Variants in NME7 observed in about 807,000 individuals in gnomAD.
NME7 encodes nucleoside diphosphate kinase 7.
In NME7, 41 loss-of-function variants were observed where a neutral mutation model predicts 49.1. The ratio of observed to expected loss-of-function variants is 0.83; its 90% confidence interval spans 0.65 to 1.08. NME7 has a LOEUF of 1.08. NME7 is among the 50% of genes least tolerant of loss of function. The pLI is 0.00. For missense variants in NME7, 423 were observed against 463.4 expected, an observed-to-expected ratio of 0.91 and a Z score of 0.80; for synonymous variants, 139 against 150.6, an observed-to-expected ratio of 0.92 and a Z score of 0.56.
At chr1:169,225,728 G>A (rs1647303838) in intron 10 of NME7, among the ~76,000 whole-genome samples, 1 of 151,842 alleles carries the variant, frequency 6.6e-6, no homozygotes, top group South Asian at 2.1e-4. Flanking sequence ...TCTCCTCTTT[G>A]GACACCACTT....
chr1:169,304,957 A>G (rs1036665326), intron 4 of NME7, among the ~76,000 whole-genome samples: 6 of 152,240 alleles, frequency 3.9e-5, no homozygotes, highest in Non-Finnish European at 7.3e-5. Context: ...GCAGAAGAAT[A>G]CTAAAACAAC....
intron 11 of NME7, among the ~76,000 whole-genome samples, chr1:169,162,952 T>C (rs567400110): frequency 2.9e-4 from 44 of 152,316 alleles, no homozygotes; most frequent in African/African-American, 1.1e-3. Context: ...TTCAGCAACA[T>C]TGAGGTTCTC....
At chr1:169,366,867 G>C (rs967696297) in intron 1 of NME7, among the ~76,000 whole-genome samples, 1 of 151,390 alleles carries the variant, frequency 6.6e-6, no homozygotes, top group African/African-American at 2.4e-5. Flanking sequence ...GAAGAAACAA[G>C]GGGTGGTGGG....
intron 6 of NME7, among the ~76,000 whole-genome samples, chr1:169,293,476 T>A (rs1362248480): frequency 6.6e-6 from 1 of 152,168 alleles, no homozygotes; most frequent in Admixed American, 6.5e-5. Context: ...GTCCACTGAT[T>A]TATAATGGCA....
At chr1:169,313,279 A>G (rs1011307211) in intron 3 of NME7, among the ~76,000 whole-genome samples, 3 of 151,958 alleles carry the variant, frequency 2.0e-5, no homozygotes, top group East Asian at 1.9e-4. Context: ...AGCATTGCCT[A>G]TCTGGAAAAT....
intron 7 of NME7, among the ~76,000 whole-genome samples, chr1:169,238,339 G>T (rs1647942182): frequency 6.6e-6 from 1 of 152,088 alleles, no homozygotes; most frequent in South Asian, 2.1e-4. Flanking sequence ...TCCTACAGAT[G>T]AGTGGTTTCT....
At chr1:169,232,561 G>T (rs1049378812) in intron 9 of NME7, among the ~76,000 whole-genome samples, 3 of 151,842 alleles carry the variant, frequency 2.0e-5, no homozygotes, top group South Asian at 2.1e-4. Flanking sequence ...GGTGTTGGGG[G>T]GGGGGCAGGG....
chr1:169,238,477 G>GCACACACACACACACACA (rs138287537), intron 7 of NME7, among the ~76,000 whole-genome samples: 19 of 124,152 alleles, frequency 1.5e-4, no homozygotes, highest in African/African-American at 4.0e-4. Context: ...ATGCACAAAG[G>GCACACACACACACACACA]CACACACACA....
chr1:169,196,300 C>T (rs1660377754), intron 10 of NME7, among the ~76,000 whole-genome samples: 1 of 152,174 alleles, frequency 6.6e-6, no homozygotes, highest in South Asian at 2.1e-4. Context: ...CATGTAGCAG[C>T]AGCACTCATT....
intron 7 of NME7, among the ~76,000 whole-genome samples, chr1:169,252,521 C>G (rs940788779): frequency 6.6e-6 from 1 of 151,928 alleles, no homozygotes; most frequent in African/African-American, 2.4e-5. Context: ...TGCCTGTTCA[C>G]TCTGATGGTA....
intron 10 of NME7, among the ~76,000 whole-genome samples, chr1:169,220,323 C>T (rs1035788346): frequency 6.6e-6 from 1 of 151,912 alleles, no homozygotes; most frequent in African/African-American, 2.4e-5. Context: ...TATAAATAAA[C>T]TTTATTACAG....
intron 7 of NME7, among the ~76,000 whole-genome samples, chr1:169,256,934 G>A (rs1368233333): frequency 7.7e-6 from 1 of 129,220 alleles, no homozygotes; most frequent in East Asian, 2.1e-4. Flanking sequence ...CAGATCTCCA[G>A]CTGCATGCTG....
chr1:169,183,758 C>T (rs753887818), intron 10 of NME7, among the ~76,000 whole-genome samples: 6 of 151,818 alleles, frequency 4.0e-5, no homozygotes, highest in Non-Finnish European at 5.9e-5. Context: ...GCCGAGATCA[C>T]GCCACTGTGC....
intron 7 of NME7, among the ~76,000 whole-genome samples, chr1:169,239,156 C>A (rs914892520): frequency 6.6e-6 from 1 of 151,732 alleles, no homozygotes; most frequent in African/African-American, 2.4e-5. Flanking sequence ...GTCACTAATG[C>A]AATAGTGATG....
At chr1:169,310,660 A>G (rs1281376635) in intron 3 of NME7, 2 of 152,312 alleles carry the variant, frequency 1.3e-5, no homozygotes, top group African/African-American at 4.8e-5. Context: ...GATACATCAG[A>G]ACAATGCATT....
At chr1:169,367,176 G>GA (rs960471172) in intron 1 of NME7, among the ~76,000 whole-genome samples, 2 of 151,908 alleles carry the variant, frequency 1.3e-5, no homozygotes, top group African/African-American at 4.8e-5. Context: ...AAAGAAAAGA[G>GA]AAAAGAAAAG....
At chr1:169,169,961 C>A (rs1429030499) in intron 10 of NME7, among the ~76,000 whole-genome samples, 4 of 151,980 alleles carry the variant, frequency 2.6e-5, no homozygotes, top group Admixed American at 2.0e-4. Flanking sequence ...ACAAATAGCC[C>A]TGAATTTAAT....
In NME7 at chr1:169,266,633, C is replaced by G. The variant is rs1649327703; in HGVS notation, c.754+20670G>C. On this transcript the variant is annotated intron_variant, in intron 7 of 11. Coordinates refer to ENST00000367811, the MANE Select transcript of NME7 (RefSeq NM_013330.5). ...GGCAAGAGAAAGATATAAAAGGCAT[C>G]CAAATAGAGAGAAAGGAAGTCAACC... Among the ~76,000 whole-genome samples the G allele has an allele frequency of 1.5e-5, 2 of 133,004 alleles. 1 individual carries two copies. Among genetic ancestry groups the G allele is most frequent in the Non-Finnish European group, 3.5e-5 (2 of 56,672 alleles). The allele number at this position is 133,004 out of a possible 152,430, so 87.3% of individuals were successfully genotyped here.
At chr1:169,166,737 C>T (rs1659423376) in intron 11 of NME7, among the ~76,000 whole-genome samples, 1 of 152,052 alleles carries the variant, frequency 6.6e-6, no homozygotes, top group Admixed American at 6.5e-5. Context: ...CAGAACTTTT[C>T]GAGGCTGAGG....
Sources: gnomAD v4.1 joint callset for allele counts (sites outside exome capture counted in the v4.1 genomes callset) on GRCh38, gnomAD v4.1.1 for gene constraint, MANE v1.5 for transcripts, NCBI Gene and HGNC (gene_info 2026-07-23, HGNC 2026-07-21) for gene names.